RNF144B: variants seen among roughly 807,000 people sequenced by gnomAD.
RNF144B encodes ring finger protein 144B, also known as E3 ubiquitin-protein ligase RNF144B.
In RNF144B, 25 loss-of-function variants were observed where a neutral mutation model predicts 40.2. The ratio of observed to expected loss-of-function variants is 0.62; its 90% CI spans 0.45 to 0.87. The LOEUF (loss-of-function observed/expected upper bound fraction) is 0.87. Ranked by LOEUF, RNF144B falls within the 40% of genes least tolerant of loss-of-function variation. The pLI is 0.00. For synonymous variants in RNF144B, 145 were observed against 136.3 expected (o/e 1.06, Z -0.44); for missense variants, 365 against 373.7 (o/e 0.98, Z 0.19).
Position 18,467,619 on chromosome 6 carries a change from T to G in RNF144B, c.*2552T>G. 6.6e-6 allele frequency: 1 copy of G among 151,634 alleles called. No homozygotes were observed. Among genetic ancestry groups the G allele is most frequent in the Admixed American group, 6.6e-5 (1 of 15,156 alleles). The allele number at this position is 151,634 out of a possible 1,614,324, so 9.4% of individuals were successfully genotyped here. A position where few individuals can be genotyped will look rare whatever the true frequency, so the allele number is the denominator to read the frequency against. ...TACAAACCAGTCTAAAGACTGTTTATAAAGGAGAGAGCTGGCGACTTATTT... is the reference window on the plus strand; with the variant it reads ...TACAAACCAGTCTAAAGACTGTTTAGAAAGGAGAGAGCTGGCGACTTATTT... On this transcript the variant is annotated 3_prime_UTR_variant, in exon 8 of 8. Coordinates refer to ENST00000259939, the MANE Select transcript of RNF144B (RefSeq NM_182757.4).
chr6:18,451,687 C>T (rs1759212426), intron 4 of RNF144B, among the ~76,000 whole-genome samples: 1 of 152,150 alleles, frequency 6.6e-6, no homozygotes, highest in African/African-American at 2.4e-5. Flanking sequence ...AGCAAAAGTT[C>T]ATTTCAGATA....
intron 6 of RNF144B, 146 bp from the exon 7 acceptor site, chr6:18,463,145 A>G: frequency 1.7e-6 from 1 of 587,600 alleles, no homozygotes. Flanking sequence ...TACCAAGATA[A>G]AGATTACAGG....
rs1016185795 is a variant in RNF144B, at chr6:18,441,210, C to T, written c.331+1466C>T. On this transcript the variant is annotated intron_variant, in intron 4 of 7. Coordinates refer to ENST00000259939, the MANE Select transcript of RNF144B (RefSeq NM_182757.4). This position sits in a 1 kb window ranked among gnomAD's most constrained non-coding sequence, Gnocchi z 4.9. Reference sequence around the variant, plus strand: ...TGCCCTGCCATTTTCCCACTTTATCCCAACATCCTCCACTATAAAAATCAA... The same window carrying T: ...TGCCCTGCCATTTTCCCACTTTATCTCAACATCCTCCACTATAAAAATCAA... Among the ~76,000 whole-genome samples the T allele has an allele frequency of 2.0e-5, 3 of 152,094 alleles. No individual in the cohort carries two copies. The highest frequency in any genetic ancestry group is 1.9e-4 in the East Asian group (1 of 5,186).
intron 4 of RNF144B, among the ~76,000 whole-genome samples, chr6:18,455,017 AT>A (rs1461584938): frequency 6.6e-6 from 1 of 152,210 alleles, no homozygotes; most frequent in Non-Finnish European, 1.5e-5. Context: ...GATATTTGAT[AT>A]GGGAGTCTTT....
At chr6:18,452,071 C>G (rs1759220222) in intron 4 of RNF144B, among the ~76,000 whole-genome samples, 1 of 152,080 alleles carries the variant, frequency 6.6e-6, no homozygotes, top group African/African-American at 2.4e-5. Flanking sequence ...GATGAGAGTA[C>G]TAGAAGTGAA....
chr6:18,418,909 C>T lies in RNF144B; in HGVS notation c.166-8672C>T, dbSNP rs1795199105. Reference sequence around the variant, plus strand: ...GTGGTATGGCCTGGGCATTGGACTTCTGGAAACCTTCCCAGATAATTCTAT... The same window carrying T: ...GTGGTATGGCCTGGGCATTGGACTTTTGGAAACCTTCCCAGATAATTCTAT... On this transcript the variant is annotated intron_variant, in intron 2 of 7. Transcript: ENST00000259939. This position sits in a 1 kb window ranked among gnomAD's most constrained non-coding sequence, Gnocchi z 5.2. Among the ~76,000 whole-genome samples, 1 of 152,042 alleles carries T rather than the reference C, an allele frequency of 6.6e-6. No homozygotes were observed. Among genetic ancestry groups the T allele is most frequent in the African/African-American group, 2.4e-5 (1 of 41,404 alleles).
chr6:18,396,755 GA>G, intron 1 of RNF144B: 2 of 985,400 alleles, frequency 2.0e-6, no homozygotes, highest in Non-Finnish European at 2.4e-6. Context: ...TGTGTGCCAT[GA>G]GCCCGGGAGT....
In RNF144B at chr6:18,466,377, TTC is replaced by T. The variant is rs777505432; in HGVS notation, c.*1312_*1313del. ...CATCTGTTAGGACAGTCTGAATACT[TTC>T]TGTTTCAAGGCACTGATAAAACCGC... On this transcript the variant is annotated 3_prime_UTR_variant, in exon 8 of 8. Coordinates refer to ENST00000259939, the MANE Select transcript of RNF144B (RefSeq NM_182757.4). 1.3e-5 allele frequency: 2 copies of T among 152,226 alleles called. No homozygotes were observed. Among genetic ancestry groups the T allele is most frequent in the South Asian group, 2.1e-4 (1 of 4,834 alleles). The allele number at this position is 152,226 out of a possible 1,614,324, so 9.4% of individuals were successfully genotyped here. A position where few individuals can be genotyped will look rare whatever the true frequency, so the allele number is the denominator to read the frequency against.
rs985331349 is a variant in RNF144B at position 18,422,973 on chromosome 6, A to G, written c.166-4608A>G. ...TCTCAAAAAAAAAAAAAAATCAACT[A>G]ATGGCACTCATTACCTCCTTCCTCT... On this transcript the variant is annotated intron_variant, in intron 2 of 7. Transcript: ENST00000259939. The surrounding 1 kb of genome is among the most constrained non-coding windows in gnomAD (Gnocchi z 4.7). Among the ~76,000 whole-genome samples, 2 of 151,308 alleles carry G rather than the reference A, an allele frequency of 1.3e-5. No individual in the cohort carries two copies. Among genetic ancestry groups the G allele is most frequent in the Admixed American group, 6.6e-5 (1 of 15,200 alleles).
rs1382020500 is a variant in RNF144B at position 18,387,522 on chromosome 6, G to C, written c.-145G>C. ...AGCCGCAGAGCACGGAGGAAAGACGGAGAGAATGGAAGAGCTCCTGTCCGG... is the reference window on the plus strand; with the variant it reads ...AGCCGCAGAGCACGGAGGAAAGACGCAGAGAATGGAAGAGCTCCTGTCCGG... On this transcript the variant is annotated 5_prime_UTR_variant, in exon 1 of 8. Transcript: ENST00000259939. 2 of 1,313,944 alleles carry C rather than the reference G, an allele frequency of 1.5e-6. No individual in the cohort carries two copies. The highest frequency in any genetic ancestry group is 9.9e-5 in the East Asian group (2 of 20,296). 81.4% of individuals were successfully genotyped at this position (1,313,944 alleles called of 1,614,324 possible).
At chr6:18,423,529 A>G (rs1447090843) in intron 2 of RNF144B, among the ~76,000 whole-genome samples, 1 of 152,196 alleles carries the variant, frequency 6.6e-6, no homozygotes, top group Admixed American at 6.5e-5. Flanking sequence ...GTCCATCATA[A>G]TAGGTGAGAA....
At chr6:18,429,322 A>G (rs768192494) in intron 3 of RNF144B, among the ~76,000 whole-genome samples, 16 of 148,540 alleles carry the variant, frequency 1.1e-4, no homozygotes, top group Non-Finnish European at 2.0e-4. Flanking sequence ...GTGTGTGTGT[A>G]TAGATATATA....
intron 3 of RNF144B, among the ~76,000 whole-genome samples, chr6:18,431,344 G>A (rs1758692715): frequency 1.3e-5 from 2 of 152,172 alleles, no homozygotes; most frequent in South Asian, 4.1e-4. Context: ...AGTTGAAAAT[G>A]GAATAGAAGA....
chr6:18,449,992 TCAGA>T (rs1759174439), intron 4 of RNF144B, among the ~76,000 whole-genome samples: 1 of 152,196 alleles, frequency 6.6e-6, no homozygotes, highest in Non-Finnish European at 1.5e-5. Context: ...CTTTGTGCTT[TCAGA>T]CAGAGTTACC....
At chr6:18,390,692 A>G (rs6921254) in intron 1 of RNF144B, among the ~76,000 whole-genome samples, 41,429 of 152,078 alleles carry the variant, frequency 0.27, 5,858 homozygotes, top group East Asian at 0.41. Context: ...TGGGAAGATA[A>G]AACAAGACAA....
intron 2 of RNF144B, among the ~76,000 whole-genome samples, chr6:18,417,710 C>T (rs1456660455): frequency 2.6e-5 from 4 of 151,878 alleles, no homozygotes; most frequent in African/African-American, 4.8e-5. Flanking sequence ...AAAGCATAAG[C>T]GACAAAAGAA....
chr6:18,436,905 G>GTTTTT (rs5874640), intron 3 of RNF144B, among the ~76,000 whole-genome samples: 1 of 150,540 alleles, frequency 6.6e-6, no homozygotes, highest in Non-Finnish European at 1.5e-5. Context: ...TTGTTGTTGT[G>GTTTTT]TTTTTTTTTT....
rs1794892917 is a variant in RNF144B at position 18,405,794 on chromosome 6, T to G, written c.165+6095T>G. Among the ~76,000 whole-genome samples, 1 of 152,160 alleles carries G rather than the reference T, an allele frequency of 6.6e-6. No individual in the cohort carries two copies. Among genetic ancestry groups the G allele is most frequent in the African/African-American group, 2.4e-5 (1 of 41,430 alleles). ...AGGAGGAGCTGGCTTCCTGGACCTA[T>G]GATCTCATCCATGCCTAATGCTTAC... On this transcript the variant is annotated intron_variant, in intron 2 of 7. Coordinates refer to ENST00000259939, the MANE Select transcript of RNF144B (RefSeq NM_182757.4). This position sits in a 1 kb window ranked among gnomAD's most constrained non-coding sequence, Gnocchi z 4.5.
In RNF144B at chr6:18,446,735, G is replaced by A. The variant is rs111577393; in HGVS notation, c.331+6991G>A. Among the ~76,000 whole-genome samples, 733 of 152,160 alleles carry A rather than the reference G, an allele frequency of 4.8e-3. 9 individuals are homozygous for A. Among genetic ancestry groups the A allele is most frequent in the African/African-American group, 0.016 (677 of 41,510 alleles). On this transcript the variant is annotated intron_variant, in intron 4 of 7. Coordinates refer to ENST00000259939, the MANE Select transcript of RNF144B (RefSeq NM_182757.4). This position sits in a 1 kb window ranked among gnomAD's most constrained non-coding sequence, Gnocchi z 4.7. Reference sequence around the variant, plus strand: ...GTGATGTCCAAAGACATTTTTGATCGTCACGACTTGGGTAGGAAGCTACTG... The same window carrying A: ...GTGATGTCCAAAGACATTTTTGATCATCACGACTTGGGTAGGAAGCTACTG...
Sources: allele counts gnomAD v4.1 joint callset (sites outside exome capture counted in the v4.1 genomes callset), GRCh38; gene constraint gnomAD v4.1.1; non-coding constraint Gnocchi (gnomAD v3.1); transcripts MANE v1.5; gene names NCBI Gene and HGNC (gene_info 2026-07-23, HGNC 2026-07-21).